The following LRP1B variants were observed in gnomAD, a reference collection of about 807,000 sequenced individuals.
LRP1B encodes the protein LDL receptor related protein 1B.
Under a neutral mutation model 556.6 loss-of-function variants are expected in LRP1B, and 217 were observed. That is an observed-to-expected ratio of 0.39 (90% CI 0.35 to 0.44). LRP1B has a LOEUF of 0.44. Ranked by LOEUF, LRP1B falls within the 20% of genes least tolerant of loss-of-function variation. LRP1B has a pLI of 1.00. For synonymous variants in LRP1B, 2,047 were observed against 1,865.8 expected, an observed-to-expected ratio of 1.10 and a Z score of -2.50; for missense variants, 5,053 against 5,620.8, an observed-to-expected ratio of 0.90 and a Z score of 3.23.
Position 140,971,707 on chromosome 2 carries a change from G to A in LRP1B, c.2887+10453C>T, listed in dbSNP as rs190074367. 5.3e-4 allele frequency among the ~76,000 whole-genome samples: 81 copies of A among 152,196 alleles called. No homozygotes were observed. The South Asian group carries it at 0.016, about 30-fold the overall frequency. The stretch of plus-strand genomic sequence containing the variant: ...AAATTAGCCGGGCATGGTGGCGGGC[G>A]CCTGTAGTCCCAGCTACTCAGGAGG... On this transcript the variant is annotated intron_variant, in intron 18 of 90. Transcript: ENST00000389484.
chr2:141,447,579 C>T (rs1323323254), intron 3 of LRP1B, among the ~76,000 whole-genome samples: 1 of 152,014 alleles, frequency 6.6e-6, no homozygotes, highest in South Asian at 2.1e-4. Context: ...TGTTGGTGAC[C>T]TTCGAATGGG....
intron 7 of LRP1B, among the ~76,000 whole-genome samples, chr2:141,115,659 T>A (rs67265380): frequency 3.1e-5 from 3 of 95,818 alleles, no homozygotes; most frequent in Non-Finnish European, 4.8e-5. Flanking sequence ...GTGTGTGTGT[T>A]TTTTAGTAGA....
intron 1 of LRP1B, among the ~76,000 whole-genome samples, chr2:141,810,839 T>C (rs963317539): frequency 1.3e-5 from 2 of 152,112 alleles, no homozygotes; most frequent in Non-Finnish European, 2.9e-5. Context: ...TAAAAATCCA[T>C]TTCTGAGTAT....
At chr2:141,737,309 G>A (rs184601968) in intron 2 of LRP1B, among the ~76,000 whole-genome samples, 126 of 152,198 alleles carry the variant, frequency 8.3e-4, no homozygotes, top group East Asian at 5.8e-4. Flanking sequence ...CCAAGATCAC[G>A]CCACTGCACT....
intron 49 of LRP1B, among the ~76,000 whole-genome samples, chr2:140,520,806 A>AAG (rs1463170646): frequency 2.7e-5 from 4 of 149,708 alleles, no homozygotes; most frequent in African/African-American, 4.9e-5. Context: ...CAGAAAAAAA[A>AAG]AAAAAAAAGA....
intron 41 of LRP1B, among the ~76,000 whole-genome samples, chr2:140,656,079 A>G (rs1043411828): frequency 6.6e-6 from 1 of 152,248 alleles, no homozygotes. Context: ...AGTAATTCTA[A>G]GATAAGTCCA....
intron 7 of LRP1B, among the ~76,000 whole-genome samples, chr2:141,103,792 A>G (rs1244994903): frequency 6.6e-6 from 1 of 151,616 alleles, no homozygotes; most frequent in Non-Finnish European, 1.5e-5. Context: ...TATAATAGAT[A>G]TATTATAAAC....
chr2:141,028,727 A>C (rs918185217), intron 11 of LRP1B, among the ~76,000 whole-genome samples: 6 of 152,126 alleles, frequency 3.9e-5, no homozygotes, highest in African/African-American at 1.4e-4. Flanking sequence ...CTGTTTTTAA[A>C]GTAATGACAA....
intron 11 of LRP1B, among the ~76,000 whole-genome samples, chr2:141,044,540 C>T (rs1261261528): frequency 9.8e-4 from 146 of 149,454 alleles, no homozygotes; most frequent in Non-Finnish European, 1.6e-3. Flanking sequence ...GGGCTAATAT[C>T]CAGAATCTAC....
At chr2:140,383,813 T>A (rs527774659) in intron 67 of LRP1B, among the ~76,000 whole-genome samples, 2 of 152,114 alleles carry the variant, frequency 1.3e-5, no homozygotes, top group Non-Finnish European at 2.9e-5. Context: ...AAGCTCAGAG[T>A]GAACAGAAAC....
At chr2:140,368,911 A>G (rs1682873384) in intron 71 of LRP1B, among the ~76,000 whole-genome samples, 2 of 151,876 alleles carry the variant, frequency 1.3e-5, no homozygotes, top group Non-Finnish European at 2.9e-5. Context: ...CCACTAAAAT[A>G]TGTCATTGGA....
chr2:140,375,610 C>T (rs1239786164), intron 68 of LRP1B, among the ~76,000 whole-genome samples: 1 of 152,008 alleles, frequency 6.6e-6, no homozygotes, highest in African/African-American at 2.4e-5. Context: ...TATCTCCTTT[C>T]TCTGAAATTT....
At position 141,741,263 on chromosome 2, in the gene LRP1B, C is replaced by CTTTTTTTT. The variant is rs11326947; in HGVS notation, c.205+69008_205+69015dup. On this transcript the variant is annotated intron_variant, in intron 2 of 90. Transcript: ENST00000389484. ...GTTATCTCTTCAGTATACTGATTTC[C>CTTTTTTTT]TTTTTTTTTTTTTTTTTTTTTTTTT... is the stretch of plus-strand genomic sequence containing the variant. Among the ~76,000 whole-genome samples the CTTTTTTTT allele has an allele frequency of 2.0e-3, 115 of 58,008 alleles. 2 individuals carry two copies. The highest frequency in any genetic ancestry group is 2.3e-3 in the Non-Finnish European group (70 of 30,594). The allele number at this position is 58,008 out of a possible 152,430, so 38.1% of individuals were successfully genotyped here. A position where few individuals can be genotyped will look rare whatever the true frequency, so the allele number is the denominator to read the frequency against.
chr2:141,885,074 A>G (rs1699068314), intron 1 of LRP1B, among the ~76,000 whole-genome samples: 1 of 152,236 alleles, frequency 6.6e-6, no homozygotes, highest in Admixed American at 6.5e-5. Context: ...ATGAATTGAT[A>G]TTAAGGTTTC....
intron 66 of LRP1B, among the ~76,000 whole-genome samples, chr2:140,423,232 T>G (rs1685521160): frequency 6.6e-6 from 1 of 152,182 alleles, no homozygotes; most frequent in Admixed American, 6.5e-5. Context: ...TTTAGTACCC[T>G]CATTTCTTGC....
At position 141,894,022 on chromosome 2, in the gene LRP1B, ACCAGTCTAC is replaced by A. The variant is rs1178987032; in HGVS notation, c.83-83630_83-83622del. On this transcript the variant is annotated intron_variant, in intron 1 of 90. Transcript: ENST00000389484. ...GTACTTATCAATGAATGCTTGTGTT[ACCAGTCTAC>A]CCTTCAGCAGTTATAATTAGACTTT... Among the ~76,000 whole-genome samples the A allele has an allele frequency of 3.3e-5, 5 of 151,846 alleles. No homozygotes were observed. In the East Asian group the frequency reaches 9.8e-4, roughly 30 times the overall value.
chr2:141,194,825 C>A (rs1156602483), intron 6 of LRP1B, among the ~76,000 whole-genome samples: 1 of 151,934 alleles, frequency 6.6e-6, no homozygotes, highest in East Asian at 1.9e-4. Flanking sequence ...TATTAAAAAT[C>A]CAGGATAGTG....
chr2:140,986,132 G>A lies in LRP1B; in HGVS notation c.2770+3400C>T, dbSNP rs577564934. Among the ~76,000 whole-genome samples, 19 of 150,950 alleles carry A rather than the reference G, an allele frequency of 1.3e-4. 2 individuals are homozygous for A. The highest frequency in any genetic ancestry group is 4.1e-4 in the African/African-American group (17 of 41,164). On this transcript the variant is annotated intron_variant, in intron 17 of 90. Coordinates refer to ENST00000389484, the MANE Select transcript of LRP1B (RefSeq NM_018557.3). ...TAGTGGTTTTTTTTTCCTTGGATGAGAGTATCTCATGTAATTTAACTTTAT... is the reference window on the plus strand; with the variant it reads ...TAGTGGTTTTTTTTTCCTTGGATGAAAGTATCTCATGTAATTTAACTTTAT...
intron 33 of LRP1B, among the ~76,000 whole-genome samples, chr2:140,774,613 G>A (rs1377385004): frequency 6.6e-6 from 1 of 152,004 alleles, no homozygotes; most frequent in East Asian, 1.9e-4. Flanking sequence ...TTTCAGATAC[G>A]ATCTCATATG....
Sources: allele counts gnomAD v4.1 joint callset (sites outside exome capture counted in the v4.1 genomes callset), GRCh38; gene constraint gnomAD v4.1.1; transcripts MANE v1.5; gene names NCBI Gene and HGNC (gene_info 2026-07-23, HGNC 2026-07-21).